SLC25A53: variants seen among roughly 807,000 people sequenced by gnomAD.
SLC25A53 encodes mitochondrial carrier triple repeat protein 6.
A neutral mutation model predicts 15.0 loss-of-function variants in SLC25A53; 5 were observed. The observed-to-expected ratio is 0.33, with a 90% confidence interval of 0.17 to 0.70. The LOEUF (loss-of-function observed/expected upper bound fraction) is 0.70. SLC25A53 is among the 30% of genes least tolerant of loss of function. The pLI, the probability that SLC25A53 is intolerant of heterozygous loss-of-function variation, is 0.67. For missense variants in SLC25A53, 216 were observed against 241.6 expected (o/e 0.89, Z 0.70); for synonymous variants, 95 against 100.0 (o/e 0.95, Z 0.30).
intron 1 of SLC25A53, among the ~76,000 whole-genome samples, chrX:104,121,110 C>A (rs2147871532): frequency 8.9e-6 from 1 of 111,949 alleles, no homozygotes; most frequent in South Asian, 3.7e-4. Context: ...AAGAGAGATT[C>A]ACCTGTAATT....
chrX:104,140,264 T>C (rs1556367293), intron 1 of SLC25A53, among the ~76,000 whole-genome samples: 1 of 110,801 alleles, frequency 9.0e-6, no homozygotes, highest in African/African-American at 3.3e-5. Context: ...CAGCTGGGAC[T>C]ACAGGCATGT....
At chrX:104,149,420 C>T (rs1330808244) in intron 1 of SLC25A53, among the ~76,000 whole-genome samples, 1 of 112,508 alleles carries the variant, frequency 8.9e-6, no homozygotes, top group Non-Finnish European at 1.9e-5. Flanking sequence ...GGGCCGTAAT[C>T]CTTTAGGAGT....
chrX:104,119,519 T>C (rs1484806936), intron 1 of SLC25A53, among the ~76,000 whole-genome samples: 3 of 111,506 alleles, frequency 2.7e-5, no homozygotes, highest in African/African-American at 9.8e-5. Context: ...GAAGCAATAA[T>C]AACAGCAAAT....
rs2075293809 is a variant in SLC25A53, at chrX:104,104,160, C to A, written c.*174G>T. On this transcript the variant is annotated 3_prime_UTR_variant, in exon 2 of 2. Coordinates refer to ENST00000594199, the MANE Select transcript of SLC25A53 (RefSeq NM_001012755.5). ...AACGTTTCTTTTTGACTAAGGAATACTTTTGGGCTTTGTCCTTGCTCAACA... is the reference window on the plus strand; with the variant it reads ...AACGTTTCTTTTTGACTAAGGAATAATTTTGGGCTTTGTCCTTGCTCAACA... 1 of 449,313 alleles carries A rather than the reference C, an allele frequency of 2.2e-6. No individual in the cohort carries two copies. The allele number at this position is 449,313 out of a possible 1,213,427, so 37.0% of individuals were successfully genotyped here.
chrX:104,142,660 C>T (rs1471135128), intron 1 of SLC25A53, among the ~76,000 whole-genome samples: 1 of 110,490 alleles, frequency 9.1e-6, no homozygotes, highest in Non-Finnish European at 1.9e-5. Context: ...TGGTCTGCAG[C>T]TCCCAACAAG....
At chrX:104,146,481 A>T (rs2075467230) in intron 1 of SLC25A53, among the ~76,000 whole-genome samples, 1 of 111,466 alleles carries the variant, frequency 9.0e-6, no homozygotes, top group African/African-American at 3.3e-5. Context: ...GAAGGAAATA[A>T]AGGGTATTCA....
Position 104,105,134 on chromosome X carries a change from T to C in SLC25A53, c.124A>G (p.Thr42Ala). 5.8e-6 allele frequency: 7 copies of C among 1,211,933 alleles called. No homozygotes were observed. The highest frequency in any genetic ancestry group is 7.8e-6 in the Non-Finnish European group (7 of 895,526). The part of the protein sequence containing the change: ...ALGAVSNFMS[T>A]FLTFPIYKVV... ...TTATAGATAGGAAAGGTCAGAAAAG[T>C]AGACATAAAGTTGGAAACGGCCCCA... Residue 42 changes from threonine to alanine, a missense_variant, in exon 2 of 2, where the codon ACT (threonine) becomes GCT (alanine). Coordinates refer to ENST00000594199, the MANE Select transcript of SLC25A53 (RefSeq NM_001012755.5).
intron 1 of SLC25A53, among the ~76,000 whole-genome samples, chrX:104,124,839 CTTT>C (rs34662574): frequency 1.6e-5 from 1 of 62,272 alleles, no homozygotes; most frequent in African/African-American, 5.5e-5. Context: ...AACTTTTTTC[CTTT>C]TTTTTTTTTT....
At chrX:104,112,664 C>A (rs1399823455) in intron 1 of SLC25A53, 2 of 113,527 alleles carry the variant, frequency 1.8e-5, no homozygotes, top group South Asian at 3.5e-4. Context: ...CGTGCGCACT[C>A]GCTAGGTCGG....
At chrX:104,149,896 C>G (rs1336750014) in intron 1 of SLC25A53, among the ~76,000 whole-genome samples, 1 of 111,049 alleles carries the variant, frequency 9.0e-6, no homozygotes, top group African/African-American at 3.3e-5. Flanking sequence ...AAAACCACCT[C>G]AGGAGACTAA....
intron 1 of SLC25A53, among the ~76,000 whole-genome samples, chrX:104,109,356 C>T (rs2075327531): frequency 8.9e-6 from 1 of 111,910 alleles, no homozygotes; most frequent in African/African-American, 3.3e-5. Context: ...AGCTTTATAA[C>T]CTTGGCCAAG....
At chrX:104,111,469 G>C (rs1355559910) in intron 1 of SLC25A53, among the ~76,000 whole-genome samples, 1 of 109,736 alleles carries the variant, frequency 9.1e-6, no homozygotes, top group Non-Finnish European at 1.9e-5. Flanking sequence ...TTATAAAACA[G>C]GCAGCTTGTT....
chrX:104,153,260 A>AT (rs1185198700), intron 1 of SLC25A53, among the ~76,000 whole-genome samples: 938 of 49,297 alleles, frequency 0.019, 26 homozygotes, highest in Admixed American at 0.14. Context: ...ATATATATAT[A>AT]TATTTTTTTT....
intron 1 of SLC25A53, among the ~76,000 whole-genome samples, chrX:104,126,780 G>A (rs2075412143): frequency 8.9e-6 from 1 of 112,513 alleles, no homozygotes; most frequent in Non-Finnish European, 1.9e-5. Flanking sequence ...CTAAGGAAAT[G>A]CAAATTAAAA....
intron 1 of SLC25A53, among the ~76,000 whole-genome samples, chrX:104,110,280 T>C (rs1403636614): frequency 9.0e-6 from 1 of 111,617 alleles, no homozygotes; most frequent in Non-Finnish European, 1.9e-5. Context: ...GAAGGAAACC[T>C]AAGAGCAACT....
intron 1 of SLC25A53, among the ~76,000 whole-genome samples, chrX:104,119,103 T>G (rs1470959728): frequency 8.9e-6 from 1 of 111,944 alleles, no homozygotes; most frequent in Non-Finnish European, 1.9e-5. Flanking sequence ...GGAGGAGAGA[T>G]AAATTGTTCA....
intron 1 of SLC25A53, among the ~76,000 whole-genome samples, chrX:104,148,435 GAAACTT>G (rs2075475401): frequency 9.6e-6 from 1 of 104,175 alleles, no homozygotes; most frequent in South Asian, 4.2e-4. Flanking sequence ...CATGTACCCT[GAAACTT>G]AAAGTATAAT....
chrX:104,150,710 C>G (rs1167560917), intron 1 of SLC25A53, among the ~76,000 whole-genome samples: 2 of 112,271 alleles, frequency 1.8e-5, no homozygotes, highest in Non-Finnish European at 3.8e-5. Flanking sequence ...CATTTCCTAA[C>G]AGAGTCCAAT....
chrX:104,137,505 T>C (rs1294761482), intron 1 of SLC25A53, among the ~76,000 whole-genome samples: 2 of 111,478 alleles, frequency 1.8e-5, no homozygotes, highest in Non-Finnish European at 3.8e-5. Context: ...TCCTTCAAGA[T>C]GGATCTTGAG....
Sources: gnomAD v4.1 joint callset for allele counts (sites outside exome capture counted in the v4.1 genomes callset) on GRCh38, gnomAD v4.1.1 for gene constraint, MANE v1.5 for transcripts, NCBI Gene and HGNC (gene_info 2026-07-23, HGNC 2026-07-21) for gene names.